Variants in NAALADL2 observed in about 807,000 individuals in gnomAD.
NAALADL2 encodes N-acetylated alpha-linked acidic dipeptidase like 2.
A neutral mutation model predicts 87.2 loss-of-function variants in NAALADL2; 76 were observed. The observed-to-expected ratio is 0.87, with a 90% CI of 0.72 to 1.05. The LOEUF (loss-of-function observed/expected upper bound fraction) is 1.05, where lower values mean the gene tolerates loss of function less well. NAALADL2 is among the 50% of genes least tolerant of loss of function. NAALADL2 has a pLI of 0.00. For missense variants in NAALADL2, 1,089 were observed against 945.8 expected (o/e 1.15, Z -1.99); for synonymous variants, 354 against 331.0 (o/e 1.07, Z -0.75).
At chr3:175,206,256 ATATATATTTTTTTT>A (rs1240375126) in intron 2 of NAALADL2, among the ~76,000 whole-genome samples, 4 of 92,598 alleles carry the variant, frequency 4.3e-5, no homozygotes, top group Admixed American at 2.4e-4. Context: ...ATATATATAT[ATATATATTTTTTTT>A]TTTCACTGTG....
intron 2 of NAALADL2, among the ~76,000 whole-genome samples, chr3:174,670,166 G>T (rs570770292): frequency 6.6e-6 from 1 of 151,886 alleles, no homozygotes; most frequent in East Asian, 1.9e-4. Flanking sequence ...GTACGTATAA[G>T]ATCATATCAT....
chr3:174,821,089 T>G (rs1721367779), intron 3 of NAALADL2, among the ~76,000 whole-genome samples: 1 of 152,178 alleles, frequency 6.6e-6, no homozygotes, highest in African/African-American at 2.4e-5. Context: ...GTGGCCCTTT[T>G]GCTGACTAGT....
intron 3 of NAALADL2, among the ~76,000 whole-genome samples, chr3:174,789,284 T>A (rs2109193714): frequency 6.6e-6 from 1 of 152,332 alleles, no homozygotes; most frequent in African/African-American, 2.4e-5. Context: ...CTATTTCATT[T>A]ACTTTCCCTG....
intron 4 of NAALADL2, among the ~76,000 whole-genome samples, chr3:175,286,500 T>C (rs1754996488): frequency 6.6e-6 from 1 of 152,188 alleles, no homozygotes; most frequent in Non-Finnish European, 1.5e-5. Context: ...TTAAAAACTT[T>C]CAAATTTCCA....
rs190658327 is a variant in NAALADL2, at chr3:175,763,831, A to C, written c.2189+8413A>C. ...AAGGGTTTCCCTTCCTCCCCATTCTAACACACACACACAAAGACACTGCTG... is the reference window on the plus strand; with the variant it reads ...AAGGGTTTCCCTTCCTCCCCATTCTCACACACACACACAAAGACACTGCTG... On this transcript the variant is annotated intron_variant, in intron 13 of 13. Coordinates refer to ENST00000454872, the MANE Select transcript of NAALADL2 (RefSeq NM_207015.3). Among the ~76,000 whole-genome samples the C allele has an allele frequency of 4.6e-4, 70 of 152,052 alleles. No homozygotes were observed. The East Asian group carries it at 0.01, about 23-fold the overall frequency.
intron 10 of NAALADL2, among the ~76,000 whole-genome samples, chr3:175,617,287 C>T (rs1725477241): frequency 6.6e-6 from 1 of 152,178 alleles, no homozygotes; most frequent in African/African-American, 2.4e-5. Context: ...TCACCTGGGA[C>T]TCCTGGATGG....
chr3:174,942,630 C>T (rs1255280246), intron 1 of NAALADL2, among the ~76,000 whole-genome samples: 2 of 152,046 alleles, frequency 1.3e-5, no homozygotes, highest in Admixed American at 6.6e-5. Context: ...AATATGTTTT[C>T]CAAGTTGTTT....
chr3:175,503,507 C>T lies in NAALADL2; in HGVS notation c.1653+31749C>T, dbSNP rs1032633897. On this transcript the variant is annotated intron_variant, in intron 9 of 13. Coordinates refer to ENST00000454872, the MANE Select transcript of NAALADL2 (RefSeq NM_207015.3). ...TTAAGTTCTTCGAGAAATTGCCAAA[C>T]CACTTTCCTCAGTGGCTGAACTAAT... Among the ~76,000 whole-genome samples, 7 of 152,140 alleles carry T rather than the reference C, an allele frequency of 4.6e-5. No individual in the cohort carries two copies. In the South Asian group the frequency reaches 1.5e-3, roughly 32 times the overall value.
intron 2 of NAALADL2, among the ~76,000 whole-genome samples, chr3:175,104,991 G>C (rs954778793): frequency 2.6e-5 from 4 of 152,038 alleles, no homozygotes; most frequent in Non-Finnish European, 5.9e-5. Flanking sequence ...TATGCCCCTC[G>C]CAATCCTTAG....
At chr3:174,749,695 G>A (rs1403491271) in intron 3 of NAALADL2, among the ~76,000 whole-genome samples, 2 of 152,182 alleles carry the variant, frequency 1.3e-5, no homozygotes, top group Non-Finnish European at 2.9e-5. Context: ...TTCCCAGGAT[G>A]TAGGAATGTT....
At chr3:174,971,716 G>C (rs996316160) in intron 1 of NAALADL2, among the ~76,000 whole-genome samples, 1 of 148,918 alleles carries the variant, frequency 6.7e-6, no homozygotes, top group African/African-American at 2.5e-5. Context: ...GTTTGTTTTT[G>C]AGACGGAGTC....
intron 12 of NAALADL2, among the ~76,000 whole-genome samples, chr3:175,745,149 A>G (rs771953973): frequency 2.0e-5 from 3 of 152,202 alleles, no homozygotes; most frequent in Non-Finnish European, 4.4e-5. Flanking sequence ...CCGTTCTCAC[A>G]ACCACCAGAA....
chr3:175,381,548 G>GT (rs1767785944), intron 5 of NAALADL2, among the ~76,000 whole-genome samples: 1 of 151,802 alleles, frequency 6.6e-6, no homozygotes, highest in Non-Finnish European at 1.5e-5. Context: ...TGTTTTAAGT[G>GT]CTCTTTTTAC....
In NAALADL2 at chr3:175,718,195, G is replaced by GTTTTTTTTTTTTTTTTTT; in HGVS notation, c.1897-19100_1897-19083dup. ...TGGAGGGGAAGGGGAAGGGCCTGTG[G>GTTTTTTTTTTTTTTTTTT]TTTTTTTTTTTTTTTTTTTTTTTTT... On this transcript the variant is annotated intron_variant, in intron 11 of 13. Coordinates refer to ENST00000454872, the MANE Select transcript of NAALADL2 (RefSeq NM_207015.3). 2.4e-6 allele frequency: 2 copies of GTTTTTTTTTTTTTTTTTT among 822,738 alleles called. 1 individual carries two copies. Among genetic ancestry groups the GTTTTTTTTTTTTTTTTTT allele is most frequent in the Non-Finnish European group, 3.3e-6 (2 of 600,572 alleles). The allele number at this position is 822,738 out of a possible 1,614,324, so 51.0% of individuals were successfully genotyped here. A position where few individuals can be genotyped will look rare whatever the true frequency, so the allele number is the denominator to read the frequency against.
At chr3:175,234,275 GAACT>G (rs1345201842) in intron 3 of NAALADL2, 71 bp downstream of exon 3, 13 of 1,474,434 alleles carry the variant, frequency 8.8e-6, no homozygotes, top group Middle Eastern at 3.6e-4. Flanking sequence ...CATCTAAATT[GAACT>G]AACTGTCAAG....
intron 5 of NAALADL2, among the ~76,000 whole-genome samples, chr3:175,363,359 G>A (rs1394135823): frequency 6.8e-6 from 1 of 147,180 alleles, no homozygotes; most frequent in African/African-American, 2.5e-5. Flanking sequence ...TTCGTATTAT[G>A]GCTTTTCTTC....
intron 5 of NAALADL2, among the ~76,000 whole-genome samples, chr3:175,445,245 C>A (rs533298936): frequency 6.6e-6 from 1 of 151,958 alleles, no homozygotes; most frequent in Non-Finnish European, 1.5e-5. Flanking sequence ...CTATTCTATT[C>A]GTGTACTTTT....
intron 1 of NAALADL2, among the ~76,000 whole-genome samples, chr3:174,867,825 T>C (rs1727348995): frequency 6.6e-6 from 1 of 152,066 alleles, no homozygotes; most frequent in Non-Finnish European, 1.5e-5. Flanking sequence ...GCATAGAGTC[T>C]CTTTATTCTG....
chr3:175,474,008 T>C (rs1157472558), intron 9 of NAALADL2, among the ~76,000 whole-genome samples: 1 of 152,172 alleles, frequency 6.6e-6, no homozygotes, highest in Non-Finnish European at 1.5e-5. Flanking sequence ...TTGTACGAAT[T>C]TACATTCCCA....
Sources: gnomAD v4.1 joint callset for allele counts (sites outside exome capture counted in the v4.1 genomes callset) on GRCh38, gnomAD v4.1.1 for gene constraint, MANE v1.5 for transcripts, NCBI Gene and HGNC (gene_info 2026-07-23, HGNC 2026-07-21) for gene names.